Variants in BCL7C observed in about 807,000 individuals in gnomAD.
The protein encoded by BCL7C is B-cell CLL/lymphoma 7 protein family member C.
BCL7C carries 8 observed loss-of-function variants against 26.2 expected under a neutral mutation model. That is an observed-to-expected ratio of 0.30 (90% CI 0.18 to 0.55). The LOEUF is 0.55. Ranked by LOEUF, BCL7C falls within the 20% of genes least tolerant of loss-of-function variation. The probability of loss-of-function intolerance (pLI) is 0.93; values close to 1 mark genes in which losing one functional copy is unlikely to be tolerated. For missense variants in BCL7C, 262 were observed against 298.5 expected, an observed-to-expected ratio of 0.88 and a Z score of 0.90; for synonymous variants, 90 against 116.5, an observed-to-expected ratio of 0.77 and a Z score of 1.47.
chr16:30,892,604 G>A lies in BCL7C; in HGVS notation c.424C>T (p.Arg142Trp), dbSNP rs375059314. Residue 142 changes from arginine to tryptophan, a missense_variant, in exon 4 of 6, where the codon CGG (arginine) becomes TGG (tryptophan). Coordinates refer to ENST00000215115, the MANE Select transcript of BCL7C (RefSeq NM_004765.4). ...GTCCTACCTCTCTCTTGGCCCAGCC[G>A]TGGGGGCTGAGCCTCCTCAGGGACC... ...EGVPEEAQPP[R>W]LGQERDPGGI... 1.7e-5 allele frequency: 27 copies of A among 1,580,692 alleles called. No individual in the cohort carries two copies. Among genetic ancestry groups the A allele is most frequent in the Admixed American group, 3.8e-5 (2 of 52,588 alleles).
chr16:30,841,953 C>CAAA (rs1183661130), intron 5 of BCL7C, among the ~76,000 whole-genome samples: 7 of 22,210 alleles, frequency 3.2e-4, no homozygotes, highest in Non-Finnish European at 4.4e-4. Flanking sequence ...GACTCCATCT[C>CAAA]AAAAAAAAAA....
intron 5 of BCL7C, among the ~76,000 whole-genome samples, chr16:30,855,682 T>A (rs2054714360): frequency 6.6e-6 from 1 of 152,064 alleles, no homozygotes; most frequent in African/African-American, 2.4e-5. Flanking sequence ...CCCAACAGTT[T>A]AGGAGGCTAA....
At chr16:30,889,002 G>T in intron 4 of BCL7C, 57 bp from the exon 5 acceptor site, 1 of 1,523,492 alleles carries the variant, frequency 6.6e-7, no homozygotes, top group South Asian at 1.1e-5. Flanking sequence ...CAGCAGCACA[G>T]ACAGTGGGGG....
At chr16:30,875,033 T>A (rs1226751209) in intron 5 of BCL7C, among the ~76,000 whole-genome samples, 1 of 152,066 alleles carries the variant, frequency 6.6e-6, no homozygotes, top group African/African-American at 2.4e-5. Flanking sequence ...ACGCCCTCCT[T>A]CCCGGCCTCA....
intron 5 of BCL7C, among the ~76,000 whole-genome samples, chr16:30,861,615 G>A (rs767328816): frequency 7.9e-5 from 12 of 152,146 alleles, no homozygotes; most frequent in Non-Finnish European, 1.3e-4. Flanking sequence ...AGATCTTCCC[G>A]GCTTAGTGGC....
chr16:30,845,408 ACT>A (rs1327770343), intron 5 of BCL7C, among the ~76,000 whole-genome samples: 1 of 151,816 alleles, frequency 6.6e-6, no homozygotes, highest in Admixed American at 6.6e-5. Context: ...TAATAGCCTG[ACT>A]CTCTACAGTG....
At position 30,864,788 on chromosome 16, in the gene BCL7C, A is replaced by G. The variant is rs559046785; in HGVS notation, c.528+24072T>C. On this transcript the variant is annotated intron_variant, in intron 5 of 5. Coordinates refer to the BCL7C transcript ENST00000380317. ...TAGCCTTAACTGATGACATTCCACC[A>G]CTGTGATTTGTTCCTGCCCCACCCT... 3.8e-4 allele frequency among the ~76,000 whole-genome samples: 57 copies of G among 151,932 alleles called. 1 individual carries two copies. The South Asian group carries it at 4.6e-3, about 12-fold the overall frequency.
At chr16:30,869,267 G>A (rs1487035269) in intron 5 of BCL7C, among the ~76,000 whole-genome samples, 3 of 152,032 alleles carry the variant, frequency 2.0e-5, no homozygotes, top group Non-Finnish European at 2.9e-5. Flanking sequence ...GGAGTTCAGT[G>A]GCACGATCAT....
chr16:30,842,007 G>C (rs1337298175), intron 5 of BCL7C, among the ~76,000 whole-genome samples: 1 of 7,870 alleles, frequency 1.3e-4, no homozygotes, highest in Non-Finnish European at 0.021. Context: ...CAGAGACAAG[G>C]TGCCCCCTGA....
chr16:30,879,717 C>T (rs1459754190), intron 5 of BCL7C, among the ~76,000 whole-genome samples: 8 of 25,598 alleles, frequency 3.1e-4, no homozygotes, highest in Non-Finnish European at 2.6e-4. Context: ...AAACTGGGCA[C>T]GGTGGCTCAC....
chr16:30,884,003 T>C (rs1321847348), downstream of BCL7C, among the ~76,000 whole-genome samples: 1 of 151,286 alleles, frequency 6.6e-6, no homozygotes, highest in Non-Finnish European at 1.5e-5. Context: ...TGGGTGTCTG[T>C]AGTCCCAGCT....
chr16:30,886,398 A>G (rs1399420243), downstream of BCL7C, among the ~76,000 whole-genome samples: 3 of 152,140 alleles, frequency 2.0e-5, no homozygotes, highest in African/African-American at 7.2e-5. Flanking sequence ...CAGAGCCAGG[A>G]CTTGAACCAG....
chr16:30,887,893 C>G lies in BCL7C; in HGVS notation c.626G>C (p.Arg209Pro), dbSNP rs755702325. 30 of 1,599,884 alleles carry G rather than the reference C, an allele frequency of 1.9e-5. No individual in the cohort carries two copies. The highest frequency in any genetic ancestry group is 2.0e-5 in the Non-Finnish European group (24 of 1,174,060). Residue 209 changes from arginine (R) to proline (P), a missense_variant, in exon 6 of 6, where the codon CGC becomes CCC. By Grantham distance (103) the Arg-to-Pro change is moderately radical. Transcript: ENST00000215115. ...GGGGTCAGGGGCATTTGGGCAGATG[C>G]GCTTGAGTGGGGGGGCACCCTCCGA... The part of the protein sequence containing the change: ...EDSEGAPPLK[R>P]ICPNAPDP
At position 30,888,836 on chromosome 16, in the gene BCL7C, G is replaced by T. The variant is rs375920333; in HGVS notation, c.528+24C>A. 6.8e-6 allele frequency: 11 copies of T among 1,611,532 alleles called. No homozygotes were observed. In the African/African-American group the frequency reaches 1.3e-4, roughly 20 times the overall value. ...CCCCCATTCCCTCCAAGACCCAGGA[G>T]TCCAGCCTTCTGGCCTCTCTCACCT... is the stretch of plus-strand genomic sequence containing the variant. On this transcript the variant is annotated intron_variant, in intron 5 of 5. Coordinates refer to ENST00000215115, the MANE Select transcript of BCL7C (RefSeq NM_004765.4).
rs1335750534 is a variant in BCL7C, at chr16:30,892,588, C to T, written c.440G>A (p.Arg147Lys). The change falls in exon 4 of 6, where the codon AGA becomes AAA. Residue 147 changes from arginine to lysine, a missense_variant and splice_region_variant. By Grantham distance (26) the Arg-to-Lys change is conservative (BLOSUM62 2). Transcript: ENST00000215115. ...EAQPPRLGQE[R>K]DPGGITAGST... ...TCCTGGGAGGTACCTGGTCCTACCT[C>T]TCTCTTGGCCCAGCCGTGGGGGCTG... 1.3e-6 allele frequency: 2 copies of T among 1,554,342 alleles called. No individual in the cohort carries two copies. Among genetic ancestry groups the T allele is most frequent in the Non-Finnish European group, 1.7e-6 (2 of 1,156,914 alleles).
At chr16:30,892,334 C>G (rs1316011120) in intron 4 of BCL7C, among the ~76,000 whole-genome samples, 1 of 125,334 alleles carries the variant, frequency 8.0e-6, no homozygotes, top group African/African-American at 3.1e-5. Context: ...AGGAAACTGA[C>G]ATGAGAGTGA....
chr16:30,891,015 AC>A (rs2055219090), intron 4 of BCL7C, among the ~76,000 whole-genome samples: 1 of 151,474 alleles, frequency 6.6e-6, no homozygotes, highest in African/African-American at 2.4e-5. Flanking sequence ...AACAAAAAAA[AC>A]AAAAATCAGC....
chr16:30,838,360 C>CTAGG (rs1201360766), intron 5 of BCL7C, among the ~76,000 whole-genome samples: 2 of 152,128 alleles, frequency 1.3e-5, no homozygotes, highest in South Asian at 2.1e-4. Context: ...TGGTAGGTAG[C>CTAGG]TAGGTAGGTA....
At chr16:30,870,427 G>A (rs1391784271) in intron 5 of BCL7C, among the ~76,000 whole-genome samples, 1 of 152,134 alleles carries the variant, frequency 6.6e-6, no homozygotes. Flanking sequence ...CTGTCTTCTC[G>A]GCCAAGGTGG....
Sources: gnomAD v4.1 joint callset for allele counts (sites outside exome capture counted in the v4.1 genomes callset) on GRCh38, gnomAD v4.1.1 for gene constraint, MANE v1.5 for transcripts, NCBI Gene and HGNC (gene_info 2026-07-23, HGNC 2026-07-21) for gene names.